FASTKD2: variants seen among roughly 807,000 people sequenced by gnomAD.
FASTKD2 encodes the protein FAST kinase domains 2.
FASTKD2 carries 51 observed loss-of-function variants against 63.6 expected under a neutral mutation model. The ratio of observed to expected loss-of-function variants is 0.80; its 90% CI spans 0.64 to 1.01. The LOEUF (loss-of-function observed/expected upper bound fraction) is 1.01. Among genes scored for constraint, FASTKD2 ranks in the 50% least tolerant of loss-of-function variants. The probability of loss-of-function intolerance (pLI) is 0.00; values close to 1 mark genes in which losing one functional copy is unlikely to be tolerated. For synonymous variants in FASTKD2, 284 were observed against 293.4 expected, an observed-to-expected ratio of 0.97 and a Z score of 0.33; for missense variants, 786 against 831.1, an observed-to-expected ratio of 0.95 and a Z score of 0.67.
rs1402550557 is a variant in FASTKD2, at chr2:206,794,101, G to A, written c.*2299G>A. Among the ~76,000 whole-genome samples the A allele has an allele frequency of 6.6e-6, 1 of 151,342 alleles. No individual in the cohort carries two copies. The highest frequency in any genetic ancestry group is 1.5e-5 in the Non-Finnish European group (1 of 67,966). ...AAACTGCATATATTTAAAGTGTACC[G>A]TTAGGTCAGTTTTGACGTACATACA... On this transcript the variant is annotated 3_prime_UTR_variant, in exon 12 of 12. Transcript: ENST00000402774.
chr2:206,786,950 C>T, intron 8 of FASTKD2, 51 bp downstream of exon 8: 1 of 997,188 alleles, frequency 1.0e-6, no homozygotes, highest in South Asian at 1.3e-5. Flanking sequence ...TTCTGCACTA[C>T]CACTAGCTAC....
chr2:206,766,365 A>G (rs962628036), intron 1 of FASTKD2, among the ~76,000 whole-genome samples: 5 of 152,126 alleles, frequency 3.3e-5, no homozygotes, highest in African/African-American at 9.7e-5. Context: ...AATGCCAACA[A>G]AAGTCTCTCC....
At position 206,770,168 on chromosome 2, in the gene FASTKD2, T is replaced by G; in HGVS notation, c.855T>G (p.Asn285Lys). Residue 285 changes from asparagine to lysine, a missense_variant, in exon 3 of 12, where the codon AAT (asparagine) becomes AAG (lysine). Transcript: ENST00000402774. ...TVLEAMEPCK[N>K]VHVLRTGFRI... The stretch of plus-strand genomic sequence containing the variant: ...TAGAGGCAATGGAACCATGCAAGAA[T>G]GTTCATGTTCTACGAACGGGATTCA... 6.2e-7 allele frequency: 1 copy of G among 1,609,618 alleles called. No individual in the cohort carries two copies. The highest frequency in any genetic ancestry group is 8.5e-7 in the Non-Finnish European group (1 of 1,175,844).
chr2:206,766,803 C>G lies in FASTKD2; in HGVS notation c.110C>G (p.Thr37Arg). The stretch of plus-strand genomic sequence containing the variant: ...AGACAATTCAGTACATTAGTTTCAA[C>G]AAGCAGAACTATGAGGCTATGTTGT... ...NLRQFSTLVS[T>R]SRTMRLCCLG... Residue 37 changes from threonine (T) to arginine (R), a missense_variant, in exon 2 of 12, where the codon ACA (threonine) becomes AGA (arginine). Transcript: ENST00000402774. The G allele has an allele frequency of 6.2e-7, 1 of 1,613,064 alleles. No individual in the cohort carries two copies. Among genetic ancestry groups the G allele is most frequent in the South Asian group, 1.1e-5 (1 of 90,924 alleles).
At chr2:206,788,235 G>A (rs1690188359) in intron 9 of FASTKD2, 80 bp downstream of exon 9, 2 of 1,011,616 alleles carry the variant, frequency 2.0e-6, no homozygotes, top group South Asian at 2.8e-5. Context: ...AGGTATTTGT[G>A]GCAGCAGTTT....
At chr2:206,779,650 G>C (rs1268223378) in intron 7 of FASTKD2, among the ~76,000 whole-genome samples, 2 of 152,142 alleles carry the variant, frequency 1.3e-5, no homozygotes, top group Non-Finnish European at 2.9e-5. Context: ...CCTTCCAACA[G>C]GTCTCTCCCT....
rs1292083397 is a variant in FASTKD2 at position 206,793,599 on chromosome 2, G to GT, written c.*1801dup. Among the ~76,000 whole-genome samples, 2 of 152,166 alleles carry GT rather than the reference G, an allele frequency of 1.3e-5. No individual in the cohort carries two copies. Among genetic ancestry groups the GT allele is most frequent in the African/African-American group, 4.8e-5 (2 of 41,440 alleles). On this transcript the variant is annotated 3_prime_UTR_variant, in exon 12 of 12. Coordinates refer to ENST00000402774, the MANE Select transcript of FASTKD2 (RefSeq NM_001136193.2). ...ATATTCTGTTATTAAAGGAACTAAG[G>GT]TTTTGTCTTTAAATGTTGAGTGTGC...
Position 206,771,181 on chromosome 2 carries a change from G to A in FASTKD2, c.882-1G>A, listed in dbSNP as rs767682048. 58 of 1,486,664 alleles carry A rather than the reference G, an allele frequency of 3.9e-5. No homozygotes were observed. The highest frequency in any genetic ancestry group is 1.6e-5 in the Non-Finnish European group (17 of 1,064,438). The allele number at this position is 1,486,664 out of a possible 1,614,324, so 92.1% of individuals were successfully genotyped here. Reference sequence around the variant, plus strand: ...TTAATATTTATTGTGTTTGATAACAGAATACTAGTTGATCAGCAAGTTTGG... The same window carrying A: ...TTAATATTTATTGTGTTTGATAACAAAATACTAGTTGATCAGCAAGTTTGG... On this transcript the variant is annotated splice_acceptor_variant, in intron 3 of 11. Coordinates refer to ENST00000402774, the MANE Select transcript of FASTKD2 (RefSeq NM_001136193.2). LOFTEE classifies it high-confidence loss of function.
In FASTKD2 at chr2:206,793,871, T is replaced by A. The variant is rs2193885; in HGVS notation, c.*2069T>A. On this transcript the variant is annotated 3_prime_UTR_variant, in exon 12 of 12. Transcript: ENST00000402774. Reference sequence around the variant, plus strand: ...AGTCTACTTGTAAAGACATGCACATTGAAACAGAAGAGATGGTTTTGCCTT... The same window carrying A: ...AGTCTACTTGTAAAGACATGCACATAGAAACAGAAGAGATGGTTTTGCCTT... 0.12 allele frequency among the ~76,000 whole-genome samples: 18,239 copies of A among 152,214 alleles called. 1,582 individuals carry two copies. The highest frequency in any genetic ancestry group is 0.25 in the African/African-American group (10,347 of 41,504).
chr2:206,782,692 T>C (rs1690023253), intron 7 of FASTKD2, among the ~76,000 whole-genome samples: 2 of 152,230 alleles, frequency 1.3e-5, no homozygotes, highest in Non-Finnish European at 2.9e-5. Context: ...AGAGCTAGCT[T>C]GCTTAGGTTT....
chr2:206,785,607 A>G (rs571506081), intron 7 of FASTKD2, among the ~76,000 whole-genome samples: 1 of 152,154 alleles, frequency 6.6e-6, no homozygotes, highest in Non-Finnish European at 1.5e-5. Context: ...ATCATTACCC[A>G]GGCTCCCAAC....
At chr2:206,782,693 G>A (rs891589461) in intron 7 of FASTKD2, among the ~76,000 whole-genome samples, 37 of 152,208 alleles carry the variant, frequency 2.4e-4, no homozygotes, top group African/African-American at 8.9e-4. Context: ...GAGCTAGCTT[G>A]CTTAGGTTTG....
chr2:206,770,217 T>C (rs1377643280), intron 3 of FASTKD2, 23 bp downstream of exon 3: 2 of 1,392,640 alleles, frequency 1.4e-6, no homozygotes, highest in African/African-American at 2.8e-5. Flanking sequence ...TTATGCTTTC[T>C]TCATGTGGTT....
Position 206,774,251 on chromosome 2 carries a change from A to G in FASTKD2, c.1281A>G (p.Glu427=), listed in dbSNP as rs1408787642. 3.1e-6 allele frequency: 5 copies of G among 1,611,604 alleles called. No individual in the cohort carries two copies. The South Asian group carries it at 5.5e-5, about 18-fold the overall frequency. The change falls in exon 7 of 12, where the codon GAA becomes GAG. Residue 427 remains glutamate (E), a synonymous_variant. Coordinates refer to ENST00000402774, the MANE Select transcript of FASTKD2 (RefSeq NM_001136193.2). ...TTCTTTTTATCCTCATTTTATTTGA[A>G]AACCTTGGCTTTCGACCTGTTGGTT... ...RKVLFILILF[E]NLGFRPVGLM...
intron 7 of FASTKD2, among the ~76,000 whole-genome samples, chr2:206,783,035 C>T (rs1025084469): frequency 1.3e-5 from 2 of 151,972 alleles, no homozygotes; most frequent in African/African-American, 4.8e-5. Context: ...GTTTTCCCTC[C>T]AGATTTAGAT....
intron 7 of FASTKD2, among the ~76,000 whole-genome samples, chr2:206,776,999 A>C (rs12467191): frequency 0.17 from 23,855 of 142,522 alleles, 3,273 homozygotes; most frequent in African/African-American, 0.39. Flanking sequence ...TTCAATATAC[A>C]AGTCTTTCAC....
rs1689497668 is a variant in FASTKD2, at chr2:206,766,762, C to G, written c.69C>G (p.Ser23=). Residue 23 remains serine, a synonymous_variant, in exon 2 of 12, where the codon TCC becomes TCG. Transcript: ENST00000402774. ...VESKMNNKAG[S]FFWNLRQFST... ...GCAAAATGAATAACAAAGCGGGCTC[C>G]TTTTTCTGGAACCTTAGACAATTCA... The G allele has an allele frequency of 1.9e-6, 3 of 1,613,838 alleles. No individual in the cohort carries two copies. Among genetic ancestry groups the G allele is most frequent in the Non-Finnish European group, 2.5e-6 (3 of 1,179,904 alleles).
chr2:206,777,442 C>G (rs1689851743), intron 7 of FASTKD2, among the ~76,000 whole-genome samples: 2 of 152,034 alleles, frequency 1.3e-5, no homozygotes, highest in Non-Finnish European at 2.9e-5. Flanking sequence ...TATGATTTTT[C>G]TCCTTTATTT....
At position 206,786,845 on chromosome 2, in the gene FASTKD2, G is replaced by T; in HGVS notation, c.1540G>T (p.Ala514Ser). The T allele has an allele frequency of 6.2e-7, 1 of 1,612,896 alleles. No individual in the cohort carries two copies. The highest frequency in any genetic ancestry group is 8.5e-7 in the Non-Finnish European group (1 of 1,179,314). ...SFCLMNYFPLAPFNQLLQKDI... is the reference protein window; with the variant it reads ...SFCLMNYFPLSPFNQLLQKDI... ...TTGCTTGATGAATTACTTTCCCCTG[G>T]CTCCTTTTAATCAGCTTCTGCAAAA... Residue 514 changes from alanine to serine, a missense_variant, in exon 8 of 12, where the codon GCT becomes TCT. Transcript: ENST00000402774.
Sources: allele counts gnomAD v4.1 joint callset (sites outside exome capture counted in the v4.1 genomes callset), GRCh38; gene constraint gnomAD v4.1.1; transcripts MANE v1.5; gene names NCBI Gene and HGNC (gene_info 2026-07-23, HGNC 2026-07-21).